The following KALRN variants were observed in gnomAD, a reference collection of about 807,000 sequenced individuals.
KALRN encodes the protein kalirin.
KALRN carries 70 observed loss-of-function variants against 353.7 expected under a neutral mutation model. That is an observed-to-expected ratio of 0.20 (90% CI 0.16 to 0.24). KALRN has a LOEUF of 0.24. KALRN is among the 10% of genes least tolerant of loss of function. The pLI, the probability that KALRN is intolerant of heterozygous loss-of-function variation, is 1.00. For missense variants in KALRN, 2,791 were observed against 3,756.7 expected (o/e 0.74, Z 6.72); for synonymous variants, 1,391 against 1,434.8 (o/e 0.97, Z 0.69).
At chr3:124,268,173 C>A (rs1404532968) in intron 4 of KALRN, among the ~76,000 whole-genome samples, 2 of 152,166 alleles carry the variant, frequency 1.3e-5, no homozygotes, top group East Asian at 1.9e-4. Context: ...CTTGTAGGGG[C>A]CTCACAGAGA....
chr3:124,313,958 A>G (rs557107584), intron 6 of KALRN, among the ~76,000 whole-genome samples: 2 of 152,272 alleles, frequency 1.3e-5, no homozygotes, highest in South Asian at 4.1e-4. Context: ...CTAGTTCTAG[A>G]TCCTTGAGGA....
At chr3:124,409,261 T>C (rs1248161782) in intron 13 of KALRN, among the ~76,000 whole-genome samples, 9 of 152,156 alleles carry the variant, frequency 5.9e-5, no homozygotes, top group Non-Finnish European at 7.4e-5. Context: ...CTGGGAACCT[T>C]GTGTTCCATC....
At position 124,116,067 on chromosome 3, in the gene KALRN, G is replaced by A. The variant is rs74534849; in HGVS notation, c.73+82254G>A. ...GTGACAGTGATGTTTTAGAATATCC[G>A]TATGGTACTGCTGGCTTAGTTGGCC... On this transcript the variant is annotated intron_variant, in intron 1 of 59. Coordinates refer to ENST00000682506, the MANE Select transcript of KALRN (RefSeq NM_001388419.1). Among the ~76,000 whole-genome samples the A allele has an allele frequency of 3.9e-3, 597 of 152,312 alleles. 2 individuals are homozygous for A. Among genetic ancestry groups the A allele is most frequent in the Non-Finnish European group, 6.2e-3 (423 of 68,030 alleles).
At chr3:124,492,485 T>C (rs1225829015) in intron 31 of KALRN, among the ~76,000 whole-genome samples, 1 of 152,240 alleles carries the variant, frequency 6.6e-6, no homozygotes, top group African/African-American at 2.4e-5. Context: ...CAGTGCCTTA[T>C]GAGTTATGAA....
chr3:124,554,233 G>A (rs2070923973), intron 33 of KALRN, among the ~76,000 whole-genome samples: 1 of 152,226 alleles, frequency 6.6e-6, no homozygotes, highest in Non-Finnish European at 1.5e-5. Flanking sequence ...GCATGCGCCT[G>A]TAATTCCAGC....
At chr3:124,410,234 G>C (rs376490828) in intron 13 of KALRN, 11 of 533,166 alleles carry the variant, frequency 2.1e-5, no homozygotes, top group Middle Eastern at 3.2e-4. Context: ...CCACTCCATA[G>C]ATTCCTGGCT....
At chr3:124,590,665 A>G (rs908277176) in intron 34 of KALRN, among the ~76,000 whole-genome samples, 1 of 152,080 alleles carries the variant, frequency 6.6e-6, no homozygotes, top group Non-Finnish European at 1.5e-5. Flanking sequence ...GTGATTGCCC[A>G]TCTTTTTGAA....
At position 124,495,990 on chromosome 3, in the gene KALRN, TATATATATATATATATATATATACACAC is replaced by T. The variant is rs1561136899; in HGVS notation, c.4833-319_4833-292del. Among the ~76,000 whole-genome samples, 100 of 58,500 alleles carry T rather than the reference TATATATATATATATATATATATACACAC, an allele frequency of 1.7e-3. 12 individuals are homozygous for T. Among genetic ancestry groups the T allele is most frequent in the African/African-American group, 6.1e-3 (71 of 11,604 alleles). 38.4% of individuals were successfully genotyped at this position (58,500 alleles called of 152,430 possible). A position where few individuals can be genotyped will look rare whatever the true frequency, so the allele number is the denominator to read the frequency against. Reference sequence around the variant, plus strand: ...GTATATATATATATATATATATATATATATATATATATATATATATATACACACACATATATACATACATACACCCCCT... The same window carrying T: ...GTATATATATATATATATATATATATACATATATACATACATACACCCCCT... On this transcript the variant is annotated intron_variant, in intron 32 of 59. Transcript: ENST00000682506.
At chr3:124,537,723 G>A (rs148566552) in intron 33 of KALRN, among the ~76,000 whole-genome samples, 63 of 152,316 alleles carry the variant, frequency 4.1e-4, no homozygotes, top group East Asian at 2.5e-3. Context: ...GAGATTTGGC[G>A]TGCAGGATCT....
chr3:124,070,652 A>G (rs377159749), intron 1 of KALRN, among the ~76,000 whole-genome samples: 11 of 152,206 alleles, frequency 7.2e-5, no homozygotes, highest in South Asian at 2.1e-4. Context: ...TCCTGGAGGA[A>G]AGCTGGGAAC....
chr3:124,326,865 A>G (rs1211018089), intron 7 of KALRN, among the ~76,000 whole-genome samples: 1 of 152,222 alleles, frequency 6.6e-6, no homozygotes, highest in Non-Finnish European at 1.5e-5. Flanking sequence ...TAAATGTGTT[A>G]TGTTAAAAGC....
chr3:124,566,550 T>A (rs1011218352), intron 34 of KALRN, among the ~76,000 whole-genome samples: 1 of 150,820 alleles, frequency 6.6e-6, no homozygotes, highest in East Asian at 1.9e-4. Flanking sequence ...CATGGAGCAC[T>A]CCTTATGCCC....
At chr3:124,178,719 G>A (rs1011413900) in intron 1 of KALRN, among the ~76,000 whole-genome samples, 3 of 152,302 alleles carry the variant, frequency 2.0e-5, no homozygotes, top group Middle Eastern at 3.4e-3. Flanking sequence ...CTTTGGGTGA[G>A]TCAGTGGTGA....
chr3:124,191,818 A>C (rs1000247702), intron 1 of KALRN, among the ~76,000 whole-genome samples: 4 of 152,198 alleles, frequency 2.6e-5, no homozygotes, highest in Admixed American at 1.3e-4. Context: ...TAGGAGTCCC[A>C]GAATGTCTCT....
intron 57 of KALRN, among the ~76,000 whole-genome samples, chr3:124,708,109 T>C (rs924090563): frequency 6.6e-6 from 1 of 152,248 alleles, no homozygotes; most frequent in Non-Finnish European, 1.5e-5. Flanking sequence ...ACTTGCAGTC[T>C]GAACCTAACC....
At chr3:124,397,631 A>G (rs1269046129) in intron 12 of KALRN, among the ~76,000 whole-genome samples, 1 of 152,116 alleles carries the variant, frequency 6.6e-6, no homozygotes, top group East Asian at 1.9e-4. Context: ...AGCCACCATC[A>G]TTTTCCCATT....
At chr3:124,225,844 G>A (rs528364487) in intron 1 of KALRN, among the ~76,000 whole-genome samples, 1 of 152,272 alleles carries the variant, frequency 6.6e-6, no homozygotes, top group Admixed American at 6.5e-5. Flanking sequence ...GAAAAAAATA[G>A]GAAAAGAGTT....
intron 1 of KALRN, among the ~76,000 whole-genome samples, chr3:124,146,270 G>C (rs1014917033): frequency 6.6e-6 from 1 of 152,162 alleles, no homozygotes; most frequent in East Asian, 1.9e-4. Context: ...GTAATGAGGA[G>C]CACAGAAATA....
chr3:124,587,909 G>C (rs1366845381), intron 34 of KALRN, among the ~76,000 whole-genome samples: 3 of 151,842 alleles, frequency 2.0e-5, no homozygotes, highest in Non-Finnish European at 4.4e-5. Flanking sequence ...TGCCAGGCTG[G>C]TCTCAAACTT....
Sources: gnomAD v4.1 joint callset for allele counts (sites outside exome capture counted in the v4.1 genomes callset) on GRCh38, gnomAD v4.1.1 for gene constraint, MANE v1.5 for transcripts, NCBI Gene and HGNC (gene_info 2026-07-23, HGNC 2026-07-21) for gene names.